EYS: variants seen among roughly 807,000 people sequenced by gnomAD.
EYS encodes EGF-like photoreceptor maintenance factor, also known as protein eyes shut homolog.
EYS carries 250 observed loss-of-function variants against 282.1 expected under a neutral mutation model. That is an observed-to-expected ratio of 0.89 (90% CI 0.80 to 0.98). EYS has a LOEUF of 0.98. EYS is among the 50% of genes least tolerant of loss of function. The pLI is 0.00. For synonymous variants in EYS, 1,355 were observed against 1,282.9 expected, an observed-to-expected ratio of 1.06 and a Z score of -1.20; for missense variants, 4,016 against 3,709.0, an observed-to-expected ratio of 1.08 and a Z score of -2.15.
intron 19 of EYS, among the ~76,000 whole-genome samples, chr6:64,873,569 G>A (rs115162487): frequency 0.03 from 4,624 of 151,948 alleles, 84 homozygotes; most frequent in Non-Finnish European, 0.049. Flanking sequence ...TTGATCAAAG[G>A]GTACAAATTT....
intron 22 of EYS, among the ~76,000 whole-genome samples, chr6:64,771,861 T>C (rs1773531989): frequency 6.6e-6 from 1 of 151,846 alleles, no homozygotes; most frequent in Non-Finnish European, 1.5e-5. Context: ...TAAGAACTAG[T>C]CACCTCATTG....
intron 22 of EYS, among the ~76,000 whole-genome samples, chr6:64,652,672 G>A (rs567476871): frequency 3.3e-5 from 5 of 152,224 alleles, no homozygotes; most frequent in Admixed American, 1.3e-4. Flanking sequence ...TTCTAAATCA[G>A]TGATAATTTG....
In EYS at chr6:65,692,163, A is replaced by C. The variant is rs1302641780; in HGVS notation, c.-448+14972T>G. 1.3e-5 allele frequency among the ~76,000 whole-genome samples: 2 copies of C among 150,430 alleles called. 1 individual carries two copies. The highest frequency in any genetic ancestry group is 4.5e-4 in the East Asian group (2 of 4,488). On this transcript the variant is annotated intron_variant, in intron 1 of 42. Coordinates refer to ENST00000503581, the MANE Select transcript of EYS (RefSeq NM_001142800.2). ...CCATTATACCAAGTGACAAAGTCAG[A>C]GACAGAAAGTCAAATATTGCATATT...
intron 29 of EYS, among the ~76,000 whole-genome samples, chr6:64,346,128 GT>G (rs1040633523): frequency 6.6e-6 from 1 of 152,078 alleles, no homozygotes; most frequent in African/African-American, 2.4e-5. Flanking sequence ...TTCAACCATT[GT>G]GGAAGTCAGT....
chr6:63,835,304 T>C (rs1044043255), intron 36 of EYS, among the ~76,000 whole-genome samples: 1 of 151,092 alleles, frequency 6.6e-6, no homozygotes, highest in Non-Finnish European at 1.5e-5. Flanking sequence ...TATACATACA[T>C]ATATACTCTA....
chr6:65,247,153 T>A (rs1040152345), intron 12 of EYS, among the ~76,000 whole-genome samples: 1 of 152,102 alleles, frequency 6.6e-6, no homozygotes, highest in Non-Finnish European at 1.5e-5. Flanking sequence ...GAATAAGCTG[T>A]ATCGGTCCAT....
In EYS at chr6:65,667,205, C is replaced by A. The variant is rs1054619301; in HGVS notation, c.-447-27313G>T. 9.2e-5 allele frequency among the ~76,000 whole-genome samples: 14 copies of A among 151,952 alleles called. 1 individual carries two copies. In the South Asian group the frequency reaches 2.9e-3, roughly 31 times the overall value. ...TCTATTTTTCCCACAGTAGCCAGAGCAATTTTTGTAAAACATGAAACTGAT... is the reference window on the plus strand; with the variant it reads ...TCTATTTTTCCCACAGTAGCCAGAGAAATTTTTGTAAAACATGAAACTGAT... On this transcript the variant is annotated intron_variant, in intron 1 of 42. Transcript: ENST00000503581.
intron 26 of EYS, among the ~76,000 whole-genome samples, chr6:64,555,925 C>A (rs1383735503): frequency 6.6e-6 from 1 of 151,682 alleles, no homozygotes; most frequent in Non-Finnish European, 1.5e-5. Flanking sequence ...AAAGTAAAAT[C>A]TAAAATAATA....
intron 31 of EYS, among the ~76,000 whole-genome samples, chr6:64,160,616 G>T (rs1775074815): frequency 6.6e-6 from 1 of 152,198 alleles, no homozygotes; most frequent in South Asian, 2.1e-4. Context: ...ATTCATTGAA[G>T]TAGTTTAAAT....
intron 14 of EYS, among the ~76,000 whole-genome samples, chr6:64,946,904 GC>G (rs747186683): frequency 3.3e-5 from 5 of 151,836 alleles, no homozygotes; most frequent in African/African-American, 7.2e-5. Flanking sequence ...TATTTCCATA[GC>G]TTTTTGTAGT....
chr6:65,053,936 A>C (rs954775351), intron 13 of EYS, among the ~76,000 whole-genome samples: 1 of 151,904 alleles, frequency 6.6e-6, no homozygotes, highest in African/African-American at 2.4e-5. Flanking sequence ...TATGTGTACT[A>C]TTTTTCTTTC....
rs1362651903 is a variant in EYS, at chr6:64,950,792, CATATACATATATATATATAT to C, written c.2260-4898_2260-4879del. The stretch of plus-strand genomic sequence containing the variant: ...TGAATAAAAAATATATACACATATA[CATATACATATATATATATAT>C]ATATATATATATATATATATATTGT... On this transcript the variant is annotated intron_variant, in intron 14 of 42. Coordinates refer to ENST00000503581, the MANE Select transcript of EYS (RefSeq NM_001142800.2). Among the ~76,000 whole-genome samples the C allele has an allele frequency of 7.4e-3, 449 of 60,928 alleles. 19 individuals carry two copies. Among genetic ancestry groups the C allele is most frequent in the African/African-American group, 0.03 (417 of 14,018 alleles). 40.0% of individuals were successfully genotyped at this position (60,928 alleles called of 152,430 possible).
At chr6:64,254,433 A>C (rs1582491117) in intron 30 of EYS, among the ~76,000 whole-genome samples, 1 of 152,046 alleles carries the variant, frequency 6.6e-6, no homozygotes, top group Non-Finnish European at 1.5e-5. Context: ...ATCTTACTAC[A>C]TCAATGGGGC....
intron 11 of EYS, among the ~76,000 whole-genome samples, chr6:65,328,778 A>C (rs1282532726): frequency 6.6e-6 from 1 of 151,228 alleles, no homozygotes; most frequent in East Asian, 1.9e-4. Context: ...TTTAATGAAA[A>C]AAATTCTAGG....
intron 2 of EYS, among the ~76,000 whole-genome samples, chr6:65,574,736 C>T (rs532384970): frequency 2.0e-5 from 3 of 152,150 alleles, no homozygotes; most frequent in South Asian, 2.1e-4. Flanking sequence ...AAGGAAACAT[C>T]GGACTTGAAC....
rs147210136 is a variant in EYS at position 63,789,040 on chromosome 6, G to A, written c.7578+18C>T. Reference sequence around the variant, plus strand: ...AGTGCTCTCAGTTTGTGGAAGTGACGAAGGAATGACTCTTTACCTTCAGCC... The same window carrying A: ...AGTGCTCTCAGTTTGTGGAAGTGACAAAGGAATGACTCTTTACCTTCAGCC... On this transcript the variant is annotated intron_variant, in intron 38 of 42. Transcript: ENST00000503581. 5.1e-3 allele frequency: 7,920 copies of A among 1,549,226 alleles called. 23 individuals carry two copies. Among genetic ancestry groups the A allele is most frequent in the Non-Finnish European group, 6.2e-3 (7,087 of 1,145,314 alleles).
In EYS at chr6:64,802,023, C is replaced by CTTTTTTTTT. The variant is rs1199002175; in HGVS notation, c.3443+11346_3443+11354dup. Among the ~76,000 whole-genome samples the CTTTTTTTTT allele has an allele frequency of 2.4e-3, 167 of 70,802 alleles. 9 individuals carry two copies. The highest frequency in any genetic ancestry group is 3.6e-3 in the East Asian group (7 of 1,962). 46.4% of individuals were successfully genotyped at this position (70,802 alleles called of 152,430 possible). A position where few individuals can be genotyped will look rare whatever the true frequency, so the allele number is the denominator to read the frequency against. On this transcript the variant is annotated intron_variant, in intron 22 of 42. Coordinates refer to ENST00000503581, the MANE Select transcript of EYS (RefSeq NM_001142800.2). Reference sequence around the variant, plus strand: ...AGAGAGTTATAACAAATTTCTTTTTCTTTTTTTTTCTTTTTTTTTTTTTTT... The same window carrying CTTTTTTTTT: ...AGAGAGTTATAACAAATTTCTTTTTCTTTTTTTTTTTTTTTTTTCTTTTTTTTTTTTTTT...
At chr6:64,373,258 TTGAGGGGTTGATTA>T (rs1420659705) in intron 29 of EYS, among the ~76,000 whole-genome samples, 1 of 152,188 alleles carries the variant, frequency 6.6e-6, no homozygotes, top group Admixed American at 6.5e-5. Context: ...GTTTTCTTCT[TTGAGGGGTTGATTA>T]TGGTATAGGT....
chr6:64,325,178 G>A (rs1173842201), intron 29 of EYS, among the ~76,000 whole-genome samples: 1 of 152,174 alleles, frequency 6.6e-6, no homozygotes, highest in Admixed American at 6.5e-5. Context: ...GCTCCTGCAG[G>A]ACCCTGGAGA....
Sources: gnomAD v4.1 joint callset for allele counts (sites outside exome capture counted in the v4.1 genomes callset) on GRCh38, gnomAD v4.1.1 for gene constraint, MANE v1.5 for transcripts, NCBI Gene and HGNC (gene_info 2026-07-23, HGNC 2026-07-21) for gene names.